The following FAM228B variants were observed in gnomAD, a reference collection of about 807,000 sequenced individuals.
The protein encoded by FAM228B is protein FAM228B.
In FAM228B, 38 loss-of-function variants were observed where a neutral mutation model predicts 42.6. The ratio of observed to expected loss-of-function variants is 0.89; its 90% CI spans 0.69 to 1.17. FAM228B has a LOEUF of 1.17. FAM228B is among the 50% of genes most tolerant of loss of function. The pLI is 0.00. For missense variants in FAM228B, 344 were observed against 367.3 expected (o/e 0.94, Z 0.52); for synonymous variants, 109 against 122.3 (o/e 0.89, Z 0.72).
rs1295690086 is a variant in FAM228B at position 24,077,698 on chromosome 2, G to C, written c.-290+729G>C. 6.2e-7 allele frequency: 1 copy of C among 1,614,076 alleles called. No homozygotes were observed. Among genetic ancestry groups the C allele is most frequent in the East Asian group, 2.2e-5 (1 of 44,874 alleles). On this transcript the variant is annotated intron_variant, in intron 1 of 10. Coordinates refer to the FAM228B transcript ENST00000613899. The surrounding 1 kb of genome is among the most constrained non-coding windows in gnomAD (Gnocchi z 5.5). ...TCCAGAACCGGCAGCAGACGTTGGG[G>C]GCCCTCCGTGGAGAAGTGAGGCAGA... is the stretch of plus-strand genomic sequence containing the variant.
intron 3 of FAM228B, among the ~76,000 whole-genome samples, chr2:24,105,505 C>T (rs1353712493): frequency 6.6e-6 from 1 of 152,198 alleles, no homozygotes; most frequent in Non-Finnish European, 1.5e-5. Flanking sequence ...TCAGCCTACA[C>T]AAATGAGACA....
chr2:24,161,010 A>G (rs1208747227), intron 7 of FAM228B, among the ~76,000 whole-genome samples: 3 of 152,202 alleles, frequency 2.0e-5, no homozygotes, highest in South Asian at 2.1e-4. Context: ...ATCAATCTCC[A>G]TCATGGTTTC....
At chr2:24,109,878 C>T (rs1290162818) in intron 3 of FAM228B, among the ~76,000 whole-genome samples, 1 of 152,190 alleles carries the variant, frequency 6.6e-6, no homozygotes, top group African/African-American at 2.4e-5. Flanking sequence ...AGTGTGGCAA[C>T]TCCTCAGTGA....
Position 24,146,733 on chromosome 2 carries a change from G to T in FAM228B, c.442-15G>T. ...GACTTGCAACTCAGTGCTTAAACAAGTGCCTCTCTTGTAGGTTACCATCCC... is the reference window on the plus strand; with the variant it reads ...GACTTGCAACTCAGTGCTTAAACAATTGCCTCTCTTGTAGGTTACCATCCC... On this transcript the variant is annotated splice_polypyrimidine_tract_variant and intron_variant, in intron 5 of 10. Transcript: ENST00000615575. 2 of 1,531,808 alleles carry T rather than the reference G, an allele frequency of 1.3e-6. No individual in the cohort carries two copies. The highest frequency in any genetic ancestry group is 1.8e-6 in the Non-Finnish European group (2 of 1,132,258). The allele number at this position is 1,531,808 out of a possible 1,614,324, so 94.9% of individuals were successfully genotyped here.
At chr2:24,155,531 AT>A (rs70944720) in intron 7 of FAM228B, among the ~76,000 whole-genome samples, 11 of 13,034 alleles carry the variant, frequency 8.4e-4, no homozygotes, top group Admixed American at 2.5e-3. Flanking sequence ...ATATATATAT[AT>A]TTTTTTTTTT....
intron 3 of FAM228B, chr2:24,115,453 G>T: frequency 1.4e-6 from 1 of 708,502 alleles, no homozygotes; most frequent in Non-Finnish European, 2.4e-6. Flanking sequence ...AATAAAAATT[G>T]CTCCCTTAAT....
chr2:24,086,872 T>C (rs1179826450), intron 2 of FAM228B, among the ~76,000 whole-genome samples: 1 of 152,044 alleles, frequency 6.6e-6, no homozygotes, highest in Non-Finnish European at 1.5e-5. Context: ...CAAATAAATA[T>C]CCTAGAACAG....
intron 9 of FAM228B, chr2:24,165,877 A>C (rs369874869): frequency 6.1e-6 from 1 of 163,142 alleles, no homozygotes; most frequent in African/African-American, 2.4e-5. Flanking sequence ...CCCCGTCTCT[A>C]CTGAAAAATA....
At chr2:24,112,356 C>G (rs930550213) in intron 3 of FAM228B, among the ~76,000 whole-genome samples, 1 of 147,104 alleles carries the variant, frequency 6.8e-6, no homozygotes, top group African/African-American at 2.5e-5. Flanking sequence ...GGTAGAGTGC[C>G]GTGGCGCGAT....
intron 3 of FAM228B, among the ~76,000 whole-genome samples, chr2:24,109,282 A>G (rs1418135008): frequency 6.6e-6 from 1 of 152,162 alleles, no homozygotes; most frequent in Non-Finnish European, 1.5e-5. Flanking sequence ...CTTACACCAT[A>G]TACAAAATCA....
At chr2:24,132,593 C>T (rs1666482806) in intron 2 of FAM228B, among the ~76,000 whole-genome samples, 2 of 149,674 alleles carry the variant, frequency 1.3e-5, no homozygotes, top group South Asian at 4.2e-4. Context: ...TGTATGTGTC[C>T]AGGAATTTAT....
intron 2 of FAM228B, among the ~76,000 whole-genome samples, chr2:24,126,870 C>T (rs143425506): frequency 0.029 from 4,423 of 152,206 alleles, 85 homozygotes; most frequent in African/African-American, 0.055. Flanking sequence ...ATGATCTGCC[C>T]GCCTCGGCCT....
In FAM228B at chr2:24,077,812, C is replaced by A. The variant is rs747412391; in HGVS notation, c.-290+843C>A. The stretch of plus-strand genomic sequence containing the variant: ...AGCCTGGGGAGAGAGCCTCACCCTG[C>A]CCTCCTCATCCTCCTCAGCCTTCTT... On this transcript the variant is annotated intron_variant, in intron 1 of 10. Coordinates refer to the FAM228B transcript ENST00000613899. The surrounding 1 kb of genome is among the most constrained non-coding windows in gnomAD (Gnocchi z 5.5). The A allele has an allele frequency of 2.6e-6, 4 of 1,556,718 alleles. No individual in the cohort carries two copies. The African/African-American group carries it at 5.4e-5, about 21-fold the overall frequency.
rs1453843560 is a variant in FAM228B, at chr2:24,080,503, C to T, written c.-289-373C>T. 2.0e-5 allele frequency among the ~76,000 whole-genome samples: 3 copies of T among 152,212 alleles called. No homozygotes were observed. Among genetic ancestry groups the T allele is most frequent in the African/African-American group, 7.2e-5 (3 of 41,450 alleles). On this transcript the variant is annotated intron_variant, in intron 1 of 10. Transcript: ENST00000613899. This position sits in a 1 kb window ranked among gnomAD's most constrained non-coding sequence, Gnocchi z 4.7. ...CTGGCTCCAAACTGGTCTCTGCCTC[C>T]AAGCCTCCTGTTAACTAAGTGTGGA...
At chr2:24,129,688 C>G (rs1275633577) in intron 2 of FAM228B, among the ~76,000 whole-genome samples, 1 of 152,078 alleles carries the variant, frequency 6.6e-6, no homozygotes, top group Admixed American at 6.6e-5. Flanking sequence ...CATTTCTATT[C>G]TCTGCTAAGA....
chr2:24,108,335 G>C (rs1051640954), intron 3 of FAM228B, among the ~76,000 whole-genome samples: 2 of 152,044 alleles, frequency 1.3e-5, no homozygotes, highest in Non-Finnish European at 2.9e-5. Context: ...CAGGACCAGA[G>C]GGATTCTCAG....
chr2:24,108,884 G>C (rs544286353), intron 3 of FAM228B, among the ~76,000 whole-genome samples: 1 of 142,790 alleles, frequency 7.0e-6, no homozygotes, highest in Middle Eastern at 3.5e-3. Context: ...CTGGCTGACA[G>C]AGCAAGAGTC....
chr2:24,114,503 A>G (rs1254623576), intron 3 of FAM228B, among the ~76,000 whole-genome samples: 1 of 152,180 alleles, frequency 6.6e-6, no homozygotes, highest in Non-Finnish European at 1.5e-5. Flanking sequence ...TGGCCTGTGT[A>G]GAACCCTGTA....
In FAM228B at chr2:24,146,981, A is replaced by G. The variant is rs755309690; in HGVS notation, c.581A>G (p.His194Arg). The change falls in exon 7 of 11, where the codon CAT becomes CGT. Residue 194 changes from histidine to arginine, a missense_variant. By Grantham distance (29) the His-to-Arg change is conservative (BLOSUM62 0). Coordinates refer to ENST00000615575, the MANE Select transcript of FAM228B (RefSeq NM_001145710.2). ...AAAGAAGTTGAGAAGGTTCAGCTGC[A>G]TTCCAGATTCCCACAAATTTCTAAT... ...EFKEVEKVQL[H>R]SRFPQISNSR... is the part of the protein sequence containing the mutation. 2.2e-5 allele frequency: 34 copies of G among 1,551,400 alleles called. No homozygotes were observed. The highest frequency in any genetic ancestry group is 2.8e-5 in the Non-Finnish European group (32 of 1,146,878).
Sources: gnomAD v4.1 joint callset for allele counts (sites outside exome capture counted in the v4.1 genomes callset) on GRCh38, gnomAD v4.1.1 for gene constraint, Gnocchi (gnomAD v3.1) non-coding constraint, MANE v1.5 for transcripts, NCBI Gene and HGNC (gene_info 2026-07-23, HGNC 2026-07-21) for gene names.